The following WDR7 variants were observed in gnomAD, a reference collection of about 807,000 sequenced individuals.
WDR7 encodes WD repeat domain 7.
WDR7 carries 46 observed loss-of-function variants against 169.4 expected under a neutral mutation model. The observed-to-expected ratio is 0.27, with a 90% CI of 0.21 to 0.35. The LOEUF (loss-of-function observed/expected upper bound fraction) is 0.35, where lower values mean the gene tolerates loss of function less well. Among genes scored for constraint, WDR7 ranks in the 10% least tolerant of loss-of-function variants. WDR7 has a pLI of 1.00. For missense variants in WDR7, 1,534 were observed against 1,859.3 expected (o/e 0.83, Z 3.22); for synonymous variants, 612 against 666.8 (o/e 0.92, Z 1.27).
intron 26 of WDR7, among the ~76,000 whole-genome samples, chr18:56,965,271 C>T (rs9954313): frequency 2.0e-4 from 31 of 151,912 alleles, no homozygotes; most frequent in Non-Finnish European, 2.9e-4. Flanking sequence ...CACACTGAAA[C>T]GCAAGAAAGG....
chr18:56,896,704 A>G (rs2046336887), intron 21 of WDR7, among the ~76,000 whole-genome samples: 1 of 151,888 alleles, frequency 6.6e-6, no homozygotes, highest in Admixed American at 6.6e-5. Flanking sequence ...ATGTGGATTT[A>G]CAGACAAAAC....
At chr18:56,785,183 G>A (rs991553579) in intron 19 of WDR7, among the ~76,000 whole-genome samples, 1 of 152,136 alleles carries the variant, frequency 6.6e-6, no homozygotes, top group Non-Finnish European at 1.5e-5. Context: ...TTTGCTGTCC[G>A]AAGGGATCAA....
chr18:56,659,291 A>T (rs1467862955), intron 1 of WDR7, among the ~76,000 whole-genome samples: 1 of 152,230 alleles, frequency 6.6e-6, no homozygotes, highest in East Asian at 1.9e-4. Flanking sequence ...GAAATCCAAA[A>T]CATATAAAAT....
intron 1 of WDR7, among the ~76,000 whole-genome samples, chr18:56,671,305 T>C (rs2025129369): frequency 6.6e-6 from 1 of 151,914 alleles, no homozygotes; most frequent in Non-Finnish European, 1.5e-5. Context: ...TTTTTTTTTT[T>C]TTTTGAGACA....
intron 20 of WDR7, among the ~76,000 whole-genome samples, chr18:56,842,877 G>A (rs768208466): frequency 2.6e-5 from 4 of 152,188 alleles, no homozygotes; most frequent in Non-Finnish European, 4.4e-5. Context: ...AGACATTGCA[G>A]ACCAAAACAG....
At position 57,027,113 on chromosome 18, in the gene WDR7, A is replaced by G. The variant is rs1249320311; in HGVS notation, c.4379A>G (p.His1460Arg). The G allele has an allele frequency of 6.2e-7, 1 of 1,614,178 alleles. No individual in the cohort carries two copies. Among genetic ancestry groups the G allele is most frequent in the Non-Finnish European group, 8.5e-7 (1 of 1,180,026 alleles). ...PPVQPASPGSHNALKLARLIW... is the reference protein window; with the variant it reads ...PPVQPASPGSRNALKLARLIW... The stretch of plus-strand genomic sequence containing the variant: ...GTGCAGCCCGCGTCCCCCGGCTCCC[A>G]CAATGCCCTCAAGCTGGCCCGGCTC... Residue 1460 changes from histidine (H) to arginine (R), a missense_variant, in exon 28 of 28, where the codon CAC becomes CGC. Transcript: ENST00000254442.
chr18:56,741,106 A>C (rs2043614625), intron 14 of WDR7, among the ~76,000 whole-genome samples: 1 of 152,168 alleles, frequency 6.6e-6, no homozygotes, highest in African/African-American at 2.4e-5. Flanking sequence ...ACTGTGGCCT[A>C]CAGGTCAATA....
chr18:56,810,363 A>G (rs1255745445), intron 19 of WDR7, among the ~76,000 whole-genome samples: 1 of 152,132 alleles, frequency 6.6e-6, no homozygotes, highest in Admixed American at 6.6e-5. Context: ...AGAAATCGCA[A>G]GTAGTCTGTT....
At chr18:56,932,141 C>T (rs1013121292) in intron 22 of WDR7, among the ~76,000 whole-genome samples, 9 of 152,146 alleles carry the variant, frequency 5.9e-5, no homozygotes, top group African/African-American at 1.9e-4. Flanking sequence ...ACACAGCCCC[C>T]AACTTTTGCA....
intron 16 of WDR7, among the ~76,000 whole-genome samples, chr18:56,772,838 T>C (rs1186508712): frequency 6.6e-6 from 1 of 152,036 alleles, no homozygotes; most frequent in Non-Finnish European, 1.5e-5. Flanking sequence ...TGGAAACCAA[T>C]AGCTAATGTT....
intron 19 of WDR7, among the ~76,000 whole-genome samples, chr18:56,809,587 G>A (rs1288116590): frequency 2.6e-5 from 4 of 151,892 alleles, no homozygotes; most frequent in African/African-American, 4.8e-5. Flanking sequence ...TATTTTCCTA[G>A]TGGACTCTTA....
Position 56,707,657 on chromosome 18 carries a change from C to T in WDR7, c.1579-10307C>T, listed in dbSNP as rs547634204. On this transcript the variant is annotated intron_variant, in intron 12 of 27. Transcript: ENST00000254442. ...ACAGTGGGGTATTACACATGCAAAG[C>T]GTTTGTCAACATGACCCCAGATGAT... is the stretch of plus-strand genomic sequence containing the variant. 4.6e-5 allele frequency among the ~76,000 whole-genome samples: 7 copies of T among 152,126 alleles called. No individual in the cohort carries two copies. In the East Asian group the frequency reaches 1.2e-3, roughly 25 times the overall value.
intron 14 of WDR7, among the ~76,000 whole-genome samples, chr18:56,734,081 T>C (rs1331554136): frequency 6.6e-6 from 1 of 152,174 alleles, no homozygotes; most frequent in Non-Finnish European, 1.5e-5. Context: ...CATGAACCTT[T>C]AGATGTGGAG....
At chr18:56,916,508 G>A (rs140952630) in intron 21 of WDR7, among the ~76,000 whole-genome samples, 2,140 of 151,934 alleles carry the variant, frequency 0.014, 31 homozygotes, top group East Asian at 0.037. Context: ...TTCTTAATCC[G>A]GAACTTAGAC....
chr18:57,020,903 G>C, intron 27 of WDR7, 54 bp downstream of exon 27: 2 of 1,538,756 alleles, frequency 1.3e-6, no homozygotes, highest in Non-Finnish European at 9.0e-7. Context: ...TATGCCTTTG[G>C]TAGTAAGCCT....
rs761394866 is a variant in WDR7, at chr18:56,756,605, A to G, written c.2012A>G (p.His671Arg). The G allele has an allele frequency of 6.3e-7, 1 of 1,596,118 alleles. No homozygotes were observed. Among genetic ancestry groups the G allele is most frequent in the Non-Finnish European group, 8.5e-7 (1 of 1,173,186 alleles). The change falls in exon 15 of 28, where the codon CAT becomes CGT. Residue 671 changes from histidine (H) to arginine (R), a missense_variant. By Grantham distance (29) the His-to-Arg change is conservative (BLOSUM62 0). Coordinates refer to ENST00000254442, the MANE Select transcript of WDR7 (RefSeq NM_015285.3). Reference sequence around the variant, plus strand: ...CAGGGAAATTTACCTAAATATTCTCATAACTCCCTGATGGTTCAAGCAATA... The same window carrying G: ...CAGGGAAATTTACCTAAATATTCTCGTAACTCCCTGATGGTTCAAGCAATA... ...SDKGNLPKYSHNSLMVQAIKT... is the reference protein window; with the variant it reads ...SDKGNLPKYSRNSLMVQAIKT...
At chr18:56,928,480 A>G (rs1229530044) in intron 22 of WDR7, among the ~76,000 whole-genome samples, 2 of 152,176 alleles carry the variant, frequency 1.3e-5, no homozygotes. Context: ...AAATAAATAA[A>G]TCTCAAACAT....
chr18:57,006,256 CAG>C (rs1290017538), intron 26 of WDR7, among the ~76,000 whole-genome samples: 16 of 151,680 alleles, frequency 1.1e-4, no homozygotes, highest in South Asian at 6.3e-4. Context: ...GTGTTATAAA[CAG>C]AGAGCATCAC....
At chr18:56,917,156 C>T (rs2145621231) in intron 21 of WDR7, among the ~76,000 whole-genome samples, 1 of 152,016 alleles carries the variant, frequency 6.6e-6, no homozygotes, top group Middle Eastern at 3.4e-3. Flanking sequence ...GAGATCATGC[C>T]GTTGCACTCC....
Sources: gnomAD v4.1 joint callset for allele counts (sites outside exome capture counted in the v4.1 genomes callset) on GRCh38, gnomAD v4.1.1 for gene constraint, MANE v1.5 for transcripts, NCBI Gene and HGNC (gene_info 2026-07-23, HGNC 2026-07-21) for gene names.